Variants in ZNF793 observed in about 807,000 individuals in gnomAD.
ZNF793 encodes the protein zinc finger protein 793.
Under a neutral mutation model 12.4 loss-of-function variants are expected in ZNF793, and 5 were observed. The observed-to-expected ratio is 0.40, with a 90% CI of 0.21 to 0.84. The LOEUF (loss-of-function observed/expected upper bound fraction) is 0.84, where lower values mean the gene tolerates loss of function less well. Among genes scored for constraint, ZNF793 ranks in the 40% least tolerant of loss-of-function variants. The pLI is 0.35. For synonymous variants in ZNF793, 162 were observed against 172.4 expected (o/e 0.94, Z 0.47); for missense variants, 456 against 495.0 (o/e 0.92, Z 0.75).
chr19:37,531,229 C>T (rs1337362522), intron 5 of ZNF793, among the ~76,000 whole-genome samples: 1 of 151,922 alleles, frequency 6.6e-6, no homozygotes, highest in African/African-American at 2.4e-5. Flanking sequence ...TGCAGTGGCA[C>T]AATCTCAGCT....
chr19:37,535,081 G>A (rs1568326409), intron 7 of ZNF793: 1 of 152,148 alleles, frequency 6.6e-6, no homozygotes, highest in Non-Finnish European at 1.5e-5. Context: ...TGCAACCTCC[G>A]CCTCCTGGGT....
Position 37,537,974 on chromosome 19 carries a change from C to T in ZNF793, c.*95C>T, listed in dbSNP as rs534546100. On this transcript the variant is annotated 3_prime_UTR_variant, in exon 8 of 8. Coordinates refer to ENST00000627814, the MANE Select transcript of ZNF793 (RefSeq NM_001013659.3). ...TCACCCAGGCTGGAGTGCAGTGGCG[C>T]GATCTCGGCTTACTGCAAGCTCTGC... The T allele has an allele frequency of 8.1e-5, 112 of 1,374,330 alleles. No homozygotes were observed. Among genetic ancestry groups the T allele is most frequent in the Admixed American group, 3.5e-4 (12 of 34,770 alleles). The allele number at this position is 1,374,330 out of a possible 1,614,324, so 85.1% of individuals were successfully genotyped here.
intron 2 of ZNF793, among the ~76,000 whole-genome samples, chr19:37,518,209 T>C (rs548468175): frequency 6.6e-6 from 1 of 152,146 alleles, no homozygotes; most frequent in East Asian, 1.9e-4. Flanking sequence ...CGCTGCAACC[T>C]CCGCCTCCTG....
chr19:37,516,586 GCTGCCATGCTGCTAGAAGAGTGCCGGA>G (rs1342960943), intron 2 of ZNF793, among the ~76,000 whole-genome samples: 1 of 152,144 alleles, frequency 6.6e-6, no homozygotes, highest in Non-Finnish European at 1.5e-5. Context: ...CCATCAGATG[GCTGCCATGCTGCTAGAAGAGTGCCGGA>G]CTGCAGGGCA....
At chr19:37,513,588 G>A (rs1280283212) in intron 2 of ZNF793, among the ~76,000 whole-genome samples, 4 of 152,208 alleles carry the variant, frequency 2.6e-5, no homozygotes, top group African/African-American at 7.2e-5. Flanking sequence ...CACACAGACA[G>A]GAAACATCTG....
At chr19:37,533,645 G>T in intron 7 of ZNF793, 1 of 507,506 alleles carries the variant, frequency 2.0e-6, no homozygotes, top group East Asian at 3.1e-5. Flanking sequence ...TTCCCATGCA[G>T]GTATTCTTAC....
chr19:37,534,791 C>G (rs1002265598), intron 7 of ZNF793: 1 of 151,926 alleles, frequency 6.6e-6, no homozygotes, highest in Non-Finnish European at 1.5e-5. Context: ...AAGCGATCCT[C>G]CCACCTCTTA....
intron 7 of ZNF793, 140 bp from the exon 8 acceptor site, chr19:37,536,757 C>T (rs2042507760): frequency 1.2e-6 from 1 of 865,044 alleles, no homozygotes; most frequent in Non-Finnish European, 1.7e-6. Context: ...CCTCTTTACT[C>T]ATAGAACACT....
At chr19:37,527,196 G>A (rs187799359) in intron 5 of ZNF793, among the ~76,000 whole-genome samples, 2 of 151,762 alleles carry the variant, frequency 1.3e-5, no homozygotes, top group African/African-American at 4.8e-5. Context: ...TGATCCACCC[G>A]CCTATGTGCT....
At position 37,538,005 on chromosome 19, in the gene ZNF793, G is replaced by T; in HGVS notation, c.*126G>T. On this transcript the variant is annotated 3_prime_UTR_variant, in exon 8 of 8. Transcript: ENST00000627814. ...CGGCTTACTGCAAGCTCTGCCTCCC[G>T]GGTTCACGCCATTCTCCTGCCTCAG... 8.5e-7 allele frequency: 1 copy of T among 1,176,788 alleles called. No homozygotes were observed. The highest frequency in any genetic ancestry group is 1.1e-6 in the Non-Finnish European group (1 of 872,888). The allele number at this position is 1,176,788 out of a possible 1,614,324, so 72.9% of individuals were successfully genotyped here.
At position 37,538,118 on chromosome 19, in the gene ZNF793, T is replaced by C. The variant is rs1350847280; in HGVS notation, c.*239T>C. ...TTTTAGTAGAGACGGGGTTTCACCG[T>C]GTTAGCCAGGATGGTCTCGATCTCC... On this transcript the variant is annotated 3_prime_UTR_variant, in exon 8 of 8. Coordinates refer to ENST00000627814, the MANE Select transcript of ZNF793 (RefSeq NM_001013659.3). 3.8e-5 allele frequency: 15 copies of C among 391,522 alleles called. 1 individual carries two copies. The South Asian group carries it at 4.3e-4, about 11-fold the overall frequency. The allele number at this position is 391,522 out of a possible 1,614,324, so 24.3% of individuals were successfully genotyped here.
chr19:37,532,422 G>A lies in ZNF793; in HGVS notation c.82G>A (p.Ala28Thr). ...AGAGGAGTGGCACCGGCTGAGTCCT[G>A]CTCAGAGGGCCCTGTACCGGGATGT... ...TQEEWHRLSP[A>T]QRALYRDVML... The change falls in exon 6 of 8, where the codon GCT becomes ACT. Residue 28 changes from alanine to threonine, a missense_variant. Ala to Thr is a moderately conservative substitution (Grantham distance 58). Transcript: ENST00000627814. 2 of 1,614,108 alleles carry A rather than the reference G, an allele frequency of 1.2e-6. No individual in the cohort carries two copies. Among genetic ancestry groups the A allele is most frequent in the Non-Finnish European group, 1.7e-6 (2 of 1,179,994 alleles).
intron 2 of ZNF793, among the ~76,000 whole-genome samples, chr19:37,517,855 T>A (rs1308766902): frequency 6.6e-6 from 1 of 152,176 alleles, no homozygotes; most frequent in Non-Finnish European, 1.5e-5. Context: ...TATTGTACAT[T>A]TTGTTATTGT....
Position 37,537,501 on chromosome 19 carries a change from A to C in ZNF793, c.843A>C (p.Arg281Ser). 1 of 1,614,008 alleles carries C rather than the reference A, an allele frequency of 6.2e-7. No individual in the cohort carries two copies. Among genetic ancestry groups the C allele is most frequent in the Non-Finnish European group, 8.5e-7 (1 of 1,179,952 alleles). The change falls in exon 8 of 8, where the codon AGA becomes AGC. Residue 281 changes from arginine to serine, a missense_variant. Coordinates refer to ENST00000627814, the MANE Select transcript of ZNF793 (RefSeq NM_001013659.3). ...IKHQRIHTGVRPFECFFCGKA... is the reference protein window; with the variant it reads ...IKHQRIHTGVSPFECFFCGKA... ...ACCAGAGAATTCACACTGGGGTAAG[A>C]CCCTTTGAATGTTTTTTTTGTGGGA... is the stretch of plus-strand genomic sequence containing the variant.
chr19:37,530,946 TTC>T (rs796275424), intron 5 of ZNF793, among the ~76,000 whole-genome samples: 53 of 152,314 alleles, frequency 3.5e-4, no homozygotes, highest in African/African-American at 1.3e-3. Flanking sequence ...TTTTTCAAAA[TTC>T]TGTTTATTTA....
intron 1 of ZNF793, among the ~76,000 whole-genome samples, chr19:37,507,713 CA>C (rs1276109617): frequency 6.6e-6 from 1 of 152,064 alleles, no homozygotes; most frequent in Non-Finnish European, 1.5e-5. Context: ...TGAGAATCAA[CA>C]ATTGATCCTC....
chr19:37,529,927 T>C (rs1257247241), intron 5 of ZNF793, among the ~76,000 whole-genome samples: 1 of 151,888 alleles, frequency 6.6e-6, no homozygotes, highest in African/African-American at 2.4e-5. Context: ...AGGGTACCAG[T>C]GTTCAGCATA....
chr19:37,532,592 C>T lies in ZNF793; in HGVS notation c.142+110C>T. ...TTGGGAGGCCAAGGCAGGTGGATCA[C>T]CTGAGGTCAGGAGTTTGAAACCTGC... On this transcript the variant is annotated intron_variant, in intron 6 of 7. Coordinates refer to ENST00000627814, the MANE Select transcript of ZNF793 (RefSeq NM_001013659.3). 3.9e-6 allele frequency: 5 copies of T among 1,283,532 alleles called. No homozygotes were observed. In the East Asian group the frequency reaches 1.1e-4, roughly 27 times the overall value. 79.5% of individuals were successfully genotyped at this position (1,283,532 alleles called of 1,614,324 possible).
At chr19:37,531,732 T>G (rs941744503) in intron 5 of ZNF793, among the ~76,000 whole-genome samples, 1 of 152,206 alleles carries the variant, frequency 6.6e-6, no homozygotes, top group Non-Finnish European at 1.5e-5. Flanking sequence ...TCACAGCTCT[T>G]GTGACATTTT....
Sources: gnomAD v4.1 joint callset for allele counts (sites outside exome capture counted in the v4.1 genomes callset) on GRCh38, gnomAD v4.1.1 for gene constraint, MANE v1.5 for transcripts, NCBI Gene and HGNC (gene_info 2026-07-23, HGNC 2026-07-21) for gene names.